Variants in DRICH1 observed in about 807,000 individuals in gnomAD.
DRICH1 encodes the protein aspartate rich 1, also known as aspartate-rich protein 1.
A neutral mutation model predicts 39.5 loss-of-function variants in DRICH1; 38 were observed. That is an observed-to-expected ratio of 0.96 (90% CI 0.74 to 1.26). The LOEUF (loss-of-function observed/expected upper bound fraction) is 1.26, where lower values mean the gene tolerates loss of function less well. Among genes scored for constraint, DRICH1 ranks in the 50% most tolerant of loss-of-function variants. The pLI is 0.00. For synonymous variants in DRICH1, 84 were observed against 99.5 expected, an observed-to-expected ratio of 0.84 and a Z score of 0.93; for missense variants, 279 against 270.4, an observed-to-expected ratio of 1.03 and a Z score of -0.22.
the DRICH1 span, among the ~76,000 whole-genome samples, chr22:23,581,958 T>C: frequency 1.4e-3 from 217 of 151,742 alleles, 1 homozygote; most frequent in African/African-American, 4.8e-3. Context: ...ATTCACAATG[T>C]CGTGCAACCA....
intron 1 of DRICH1, 147 bp from the exon 2 acceptor site, chr22:23,626,195 T>A (rs1231693983): frequency 1.6e-6 from 1 of 617,332 alleles, no homozygotes; most frequent in Non-Finnish European, 2.9e-6. Flanking sequence ...GTAGTGAGCA[T>A]GAGGGAGTCT....
the DRICH1 span, among the ~76,000 whole-genome samples, chr22:23,594,552 C>T: frequency 3.9e-5 from 6 of 152,186 alleles, no homozygotes; most frequent in African/African-American, 1.2e-4. Flanking sequence ...AGTGAAACCA[C>T]GCCTGGCTAA....
chr22:23,613,339 AC>A lies in DRICH1; in HGVS notation c.644-10del. 6.2e-7 allele frequency: 1 copy of A among 1,610,740 alleles called. No individual in the cohort carries two copies. On this transcript the variant is annotated splice_polypyrimidine_tract_variant and intron_variant, in intron 10 of 11. Coordinates refer to ENST00000317749, the MANE Select transcript of DRICH1 (RefSeq NM_016449.4). ...ACTCTCCAGCGTCAAGTCTTTAGAA[AC>A]AAAAACACCAGAATAAGTCATTAGA...
downstream of DRICH1, among the ~76,000 whole-genome samples, chr22:23,605,888 C>T (rs189793468): frequency 6.0e-4 from 91 of 152,080 alleles, no homozygotes; most frequent in African/African-American, 2.1e-3. Flanking sequence ...CGAGATCAGC[C>T]TGGCCAACAT....
At chr22:23,619,555 G>GGCACCCATAAGTATCATAA (rs5844566) in intron 5 of DRICH1, among the ~76,000 whole-genome samples, 162 bp from the exon 6 acceptor site, 22 of 151,760 alleles carry the variant, frequency 1.4e-4, no homozygotes, top group Admixed American at 3.9e-4. Context: ...CCAGCATGGA[G>GGCACCCATAAGTATCATAA]GTATCACAGA....
chr22:23,617,547 C>T, intron 7 of DRICH1, 28 bp downstream of exon 7: 4 of 1,611,854 alleles, frequency 2.5e-6, no homozygotes, highest in Non-Finnish European at 3.4e-6. Context: ...CCAACATTTC[C>T]TTAGAAGACA....
At chr22:23,624,763 C>T in intron 3 of DRICH1, 120 bp downstream of exon 3, 1 of 1,213,792 alleles carries the variant, frequency 8.2e-7, no homozygotes, top group Non-Finnish European at 1.2e-6. Context: ...TATACACTCG[C>T]AGAATCATTT....
At chr22:23,592,370 C>T in the DRICH1 span, among the ~76,000 whole-genome samples, 1 of 148,164 alleles carries the variant, frequency 6.7e-6, no homozygotes, top group African/African-American at 2.5e-5. Context: ...AGGTGGCATC[C>T]AGTGATATCA....
downstream of DRICH1, among the ~76,000 whole-genome samples, chr22:23,604,292 G>A (rs1263189091): frequency 6.6e-6 from 1 of 152,082 alleles, no homozygotes; most frequent in African/African-American, 2.4e-5. Flanking sequence ...GGGCCGCCTG[G>A]AGCTTCTCGA....
intron 1 of DRICH1, chr22:23,630,570 A>G (rs1229201823): frequency 2.0e-5 from 3 of 152,116 alleles, no homozygotes; most frequent in African/African-American, 7.2e-5. Context: ...AGGTGAGAGG[A>G]CCACCATAGG....
At chr22:23,592,776 G>C in the DRICH1 span, among the ~76,000 whole-genome samples, 4 of 151,808 alleles carry the variant, frequency 2.6e-5, no homozygotes, top group Non-Finnish European at 4.4e-5. Flanking sequence ...CAGATCACCT[G>C]AGGTCAGGAG....
chr22:23,593,328 A>G, the DRICH1 span, among the ~76,000 whole-genome samples: 1 of 152,242 alleles, frequency 6.6e-6, no homozygotes, highest in Non-Finnish European at 1.5e-5. Flanking sequence ...ACAAACTTGA[A>G]GAAAGTACAT....
the DRICH1 span, among the ~76,000 whole-genome samples, chr22:23,596,025 G>A: frequency 1.1e-4 from 16 of 152,288 alleles, no homozygotes; most frequent in East Asian, 5.8e-4. Flanking sequence ...TCTTCTCACC[G>A]GAGCTCTCAG....
chr22:23,621,545 C>T (rs117456055), intron 4 of DRICH1, among the ~76,000 whole-genome samples: 2,163 of 152,160 alleles, frequency 0.014, 32 homozygotes, highest in Middle Eastern at 0.051. Context: ...GGATAAATTG[C>T]TTGTTGAAAC....
intron 11 of DRICH1, 133 bp from the exon 12 acceptor site, chr22:23,608,901 T>C (rs1926881083): frequency 6.2e-6 from 6 of 971,188 alleles, no homozygotes; most frequent in Non-Finnish European, 9.7e-6. Flanking sequence ...GAGGAGAAAT[T>C]ACAGATGCGG....
the DRICH1 span, chr22:23,583,798 GCTCCT>G: frequency 4.6e-5 from 7 of 152,644 alleles, no homozygotes; most frequent in East Asian, 1.4e-3. Context: ...CCCGACCCTG[GCTCCT>G]CTCACCTTCA....
chr22:23,588,674 C>G, the DRICH1 span, among the ~76,000 whole-genome samples: 1 of 152,338 alleles, frequency 6.6e-6, no homozygotes, highest in Non-Finnish European at 1.5e-5. Context: ...GCTCCCCTCA[C>G]TCTGGTCCTG....
the DRICH1 span, among the ~76,000 whole-genome samples, chr22:23,586,939 A>C: frequency 6.6e-6 from 1 of 152,164 alleles, no homozygotes; most frequent in Admixed American, 6.5e-5. Context: ...ATATAACTAC[A>C]CCAGTTTTCC....
At chr22:23,620,836 G>A (rs2123782420) in intron 4 of DRICH1, among the ~76,000 whole-genome samples, 2 of 152,248 alleles carry the variant, frequency 1.3e-5, no homozygotes, top group East Asian at 3.9e-4. Flanking sequence ...TATCTTTAAG[G>A]CTATTGACTT....
Sources: allele counts gnomAD v4.1 joint callset (sites outside exome capture counted in the v4.1 genomes callset), GRCh38; gene constraint gnomAD v4.1.1; transcripts MANE v1.5; gene names NCBI Gene and HGNC (gene_info 2026-07-23, HGNC 2026-07-21).